NRG3: variants seen among roughly 807,000 people sequenced by gnomAD.
The protein encoded by NRG3 is neuregulin 3, also known as pro-neuregulin-3, membrane-bound isoform.
NRG3 carries 31 observed loss-of-function variants against 66.9 expected under a neutral mutation model. The observed-to-expected ratio is 0.46, with a 90% CI of 0.35 to 0.63. The LOEUF (loss-of-function observed/expected upper bound fraction) is 0.63, where lower values mean the gene tolerates loss of function less well. NRG3 is among the 20% of genes least tolerant of loss of function. NRG3 has a pLI of 0.00. For missense variants in NRG3, 910 were observed against 878.9 expected, an observed-to-expected ratio of 1.04 and a Z score of -0.45; for synonymous variants, 393 against 359.4, an observed-to-expected ratio of 1.09 and a Z score of -1.06.
intron 1 of NRG3, among the ~76,000 whole-genome samples, chr10:81,887,102 T>C (rs1308055375): frequency 6.6e-6 from 1 of 152,122 alleles, no homozygotes; most frequent in Non-Finnish European, 1.5e-5. Flanking sequence ...TCTGTGAAGA[T>C]TGTTTTTTCT....
intron 1 of NRG3, among the ~76,000 whole-genome samples, chr10:82,277,370 T>G (rs2134391663): frequency 6.6e-6 from 1 of 152,212 alleles, no homozygotes; most frequent in Admixed American, 6.6e-5. Flanking sequence ...AGAGTAGGAC[T>G]TCTAAGTTGG....
intron 3 of NRG3, among the ~76,000 whole-genome samples, chr10:82,800,450 A>AG (rs2060989156): frequency 6.6e-6 from 1 of 151,984 alleles, no homozygotes; most frequent in African/African-American, 2.4e-5. Flanking sequence ...AAGCATCCCA[A>AG]TCATTAGCAC....
intron 1 of NRG3, among the ~76,000 whole-genome samples, chr10:82,038,008 A>G (rs2062868098): frequency 6.6e-6 from 1 of 152,066 alleles, no homozygotes; most frequent in African/African-American, 2.4e-5. Flanking sequence ...AAAAGAAGAA[A>G]GAATTCAAAT....
intron 1 of NRG3, among the ~76,000 whole-genome samples, chr10:82,133,304 TTACA>T (rs2069075184): frequency 6.6e-6 from 1 of 152,138 alleles, no homozygotes; most frequent in East Asian, 1.9e-4. Context: ...TGAAGGTTTG[TTACA>T]TACATAAACT....
chr10:82,651,070 A>G (rs991607157), intron 2 of NRG3, among the ~76,000 whole-genome samples: 4 of 152,258 alleles, frequency 2.6e-5, no homozygotes, highest in African/African-American at 4.8e-5. Flanking sequence ...GGCAGAAAGC[A>G]ACAGGAGGCC....
chr10:82,494,983 C>T (rs1438079036), intron 2 of NRG3, among the ~76,000 whole-genome samples: 2 of 151,694 alleles, frequency 1.3e-5, no homozygotes, highest in Non-Finnish European at 2.9e-5. Flanking sequence ...CTCTGTCACC[C>T]AGGCTGCAAT....
At chr10:82,530,460 G>T (rs1369357103) in intron 2 of NRG3, among the ~76,000 whole-genome samples, 1 of 151,856 alleles carries the variant, frequency 6.6e-6, no homozygotes, top group Non-Finnish European at 1.5e-5. Context: ...TCTCTACAAG[G>T]CTTATCCTTA....
At chr10:82,373,080 C>G (rs1173088095) in intron 2 of NRG3, among the ~76,000 whole-genome samples, 2 of 152,210 alleles carry the variant, frequency 1.3e-5, no homozygotes, top group Non-Finnish European at 2.9e-5. Context: ...TTTTCTCTAA[C>G]TGAGCTGCTG....
chr10:82,567,157 G>A (rs1046083985), intron 2 of NRG3, among the ~76,000 whole-genome samples: 3 of 151,760 alleles, frequency 2.0e-5, no homozygotes. Flanking sequence ...AGATTTTTAT[G>A]GTCATATTTC....
intron 1 of NRG3, among the ~76,000 whole-genome samples, chr10:82,132,972 A>G (rs1026965154): frequency 6.6e-6 from 1 of 151,890 alleles, no homozygotes; most frequent in Non-Finnish European, 1.5e-5. Context: ...TAGTTAGTTT[A>G]GCTAAAGTTT....
At chr10:82,759,408 T>A (rs1277346902) in intron 3 of NRG3, among the ~76,000 whole-genome samples, 3 of 152,104 alleles carry the variant, frequency 2.0e-5, no homozygotes, top group Non-Finnish European at 4.4e-5. Context: ...GTTAGCCAAA[T>A]AAACCTCTTT....
chr10:81,950,355 C>A (rs1427847691), intron 1 of NRG3, among the ~76,000 whole-genome samples: 3 of 152,096 alleles, frequency 2.0e-5, no homozygotes, highest in African/African-American at 7.2e-5. Flanking sequence ...GCCAGAGCAT[C>A]CTTTAAGGTA....
intron 2 of NRG3, among the ~76,000 whole-genome samples, chr10:82,576,874 G>C (rs2046062300): frequency 6.6e-6 from 1 of 151,782 alleles, no homozygotes; most frequent in Admixed American, 6.6e-5. Context: ...TATTTTTGCA[G>C]AAGGCTGAAG....
intron 2 of NRG3, among the ~76,000 whole-genome samples, chr10:82,652,385 A>G (rs960869373): frequency 3.9e-5 from 6 of 152,174 alleles, no homozygotes; most frequent in South Asian, 2.1e-4. Context: ...TTTATTGCCA[A>G]TGAAAGTGGC....
intron 1 of NRG3, among the ~76,000 whole-genome samples, chr10:82,284,600 T>C (rs557976349): frequency 6.6e-6 from 1 of 152,366 alleles, no homozygotes; most frequent in Admixed American, 6.5e-5. Context: ...GTTTCTTTAA[T>C]GATTTCTTTA....
chr10:82,131,188 A>T (rs866287092), intron 1 of NRG3, among the ~76,000 whole-genome samples: 2 of 152,126 alleles, frequency 1.3e-5, no homozygotes, highest in Non-Finnish European at 1.5e-5. Flanking sequence ...CTTAGATTTA[A>T]GTATTTAATC....
chr10:82,256,352 G>C (rs751573706), intron 1 of NRG3, among the ~76,000 whole-genome samples: 2 of 152,134 alleles, frequency 1.3e-5, no homozygotes, highest in Non-Finnish European at 2.9e-5. Context: ...TGCCTTTGTT[G>C]TTGCTTTCAA....
intron 2 of NRG3, among the ~76,000 whole-genome samples, chr10:82,656,198 C>T (rs1038650767): frequency 1.3e-5 from 2 of 151,324 alleles, no homozygotes; most frequent in Non-Finnish European, 2.9e-5. Context: ...ACTGCATTGG[C>T]AACAGACAAA....
At chr10:82,651,739 C>T (rs574375530) in intron 2 of NRG3, among the ~76,000 whole-genome samples, 1 of 152,230 alleles carries the variant, frequency 6.6e-6, no homozygotes, top group East Asian at 1.9e-4. Context: ...GTAATACTAG[C>T]GTGTAATGGT....
Sources: allele counts gnomAD v4.1 joint callset (sites outside exome capture counted in the v4.1 genomes callset), GRCh38; gene constraint gnomAD v4.1.1; transcripts MANE v1.5; gene names NCBI Gene and HGNC (gene_info 2026-07-23, HGNC 2026-07-21).